Variants in COL21A1 observed in about 807,000 individuals in gnomAD.
COL21A1 encodes the protein collagen alpha-1(XXI) chain.
COL21A1 carries 149 observed loss-of-function variants against 137.9 expected under a neutral mutation model. The ratio of observed to expected loss-of-function variants is 1.08; its 90% confidence interval spans 0.95 to 1.24. The LOEUF is 1.24. COL21A1 is among the 50% of genes most tolerant of loss of function. The probability of loss-of-function intolerance (pLI) is 0.00; values close to 1 mark genes in which losing one functional copy is unlikely to be tolerated. For synonymous variants in COL21A1, 456 were observed against 391.5 expected (o/e 1.16, Z -1.95); for missense variants, 1,167 against 1,158.4 (o/e 1.01, Z -0.11).
intron 3 of COL21A1, among the ~76,000 whole-genome samples, chr6:56,178,002 C>G (rs1175349168): frequency 6.6e-6 from 1 of 152,048 alleles, no homozygotes; most frequent in African/African-American, 2.4e-5. Flanking sequence ...TACATTTTAA[C>G]TAAAAGAGTG....
intron 27 of COL21A1, 173 bp downstream of exon 27, chr6:56,060,568 A>T (rs1765702136): frequency 1.9e-6 from 1 of 513,904 alleles, no homozygotes; most frequent in East Asian, 3.4e-5. Flanking sequence ...ATTATAAAAG[A>T]GTATATATGA....
intron 1 of COL21A1, among the ~76,000 whole-genome samples, chr6:56,235,985 C>G (rs1390589650): frequency 1.3e-5 from 2 of 151,956 alleles, no homozygotes; most frequent in African/African-American, 4.8e-5. Context: ...ATGGTCTTAG[C>G]TGATACCAAA....
In COL21A1 at chr6:56,268,251, C is replaced by T. The variant is rs1297463248; in HGVS notation, c.-38-85595G>A. ...AGGTCCAGTCCAGAAAGAATGTAAG[C>T]TATCGCCCTGCCATGGCCTCTACCC... On this transcript the variant is annotated intron_variant, in intron 1 of 28. Transcript: ENST00000370819. Among the ~76,000 whole-genome samples the T allele has an allele frequency of 7.2e-5, 11 of 152,150 alleles. No individual in the cohort carries two copies. In the East Asian group the frequency reaches 2.1e-3, roughly 29 times the overall value.
At chr6:56,069,625 CACAT>C (rs969188808) in intron 21 of COL21A1, among the ~76,000 whole-genome samples, 1 of 150,224 alleles carries the variant, frequency 6.7e-6, no homozygotes, top group Non-Finnish European at 1.5e-5. Flanking sequence ...TTCATAAACA[CACAT>C]ATATAGTTAA....
At chr6:56,295,016 C>T (rs1025776718) in intron 1 of COL21A1, among the ~76,000 whole-genome samples, 3 of 151,946 alleles carry the variant, frequency 2.0e-5, no homozygotes, top group Admixed American at 1.3e-4. Context: ...GTCAAAGTCA[C>T]TTAAGAGTTT....
chr6:56,059,869 T>C (rs1765644599), intron 28 of COL21A1, 149 bp downstream of exon 28: 1 of 561,008 alleles, frequency 1.8e-6, no homozygotes, highest in South Asian at 2.8e-5. Context: ...AATTTCTCTT[T>C]AATTCAGTTG....
At position 56,313,446 on chromosome 6, in the gene COL21A1, G is replaced by T. The variant is rs935263983; in HGVS notation, c.-39+80525C>A. 3.3e-5 allele frequency among the ~76,000 whole-genome samples: 5 copies of T among 152,130 alleles called. No individual in the cohort carries two copies. The East Asian group carries it at 9.6e-4, about 29-fold the overall frequency. ...TCTCATGGTTCTGGAAGCTGTAAGT[G>T]CAAGATCAGGGTGCCAGCATGGTTG... is the stretch of plus-strand genomic sequence containing the variant. On this transcript the variant is annotated intron_variant, in intron 1 of 28. Transcript: ENST00000370819.
chr6:56,367,889 T>A (rs935299461), intron 1 of COL21A1, among the ~76,000 whole-genome samples: 4 of 152,186 alleles, frequency 2.6e-5, no homozygotes, highest in Non-Finnish European at 4.4e-5. Context: ...TATTTTTTAA[T>A]TTTTTGTAGA....
At chr6:56,211,496 C>T (rs1400939902) in intron 1 of COL21A1, among the ~76,000 whole-genome samples, 2 of 151,910 alleles carry the variant, frequency 1.3e-5, no homozygotes, top group Non-Finnish European at 2.9e-5. Flanking sequence ...ATTATTCTCA[C>T]AGAGCATGCA....
rs139107374 is a variant in COL21A1, at chr6:56,131,765, T to TAC, written c.1543-5618_1543-5617dup. Among the ~76,000 whole-genome samples the TAC allele has an allele frequency of 8.2e-3, 1,240 of 151,996 alleles. 19 individuals are homozygous for TAC. The highest frequency in any genetic ancestry group is 0.029 in the African/African-American group (1,195 of 41,472). On this transcript the variant is annotated intron_variant, in intron 12 of 29. Coordinates refer to ENST00000244728, the MANE Select transcript of COL21A1 (RefSeq NM_030820.4). ...AAAGTCAAAAACATAAAATTGCAAATACACACACACACGTATACATATACT... is the reference window on the plus strand; with the variant it reads ...AAAGTCAAAAACATAAAATTGCAAATACACACACACACACGTATACATATACT...
intron 1 of COL21A1, among the ~76,000 whole-genome samples, chr6:56,201,981 C>A (rs962203383): frequency 2.0e-5 from 3 of 151,954 alleles, no homozygotes; most frequent in African/African-American, 7.3e-5. Context: ...TATTTGAATA[C>A]CTGGCTTGAA....
At chr6:56,257,633 T>C (rs921846246) in intron 1 of COL21A1, among the ~76,000 whole-genome samples, 5 of 152,160 alleles carry the variant, frequency 3.3e-5, no homozygotes, top group Non-Finnish European at 7.4e-5. Flanking sequence ...TGCTGTCAAT[T>C]TTACAACTAC....
chr6:56,200,746 T>C (rs950048091), intron 1 of COL21A1, among the ~76,000 whole-genome samples: 3 of 152,106 alleles, frequency 2.0e-5, no homozygotes, highest in Non-Finnish European at 4.4e-5. Flanking sequence ...CTATTGTGAA[T>C]AGTGCTGCAA....
At chr6:56,323,039 C>T (rs991915854) in intron 1 of COL21A1, among the ~76,000 whole-genome samples, 21 of 151,858 alleles carry the variant, frequency 1.4e-4, no homozygotes, top group African/African-American at 3.6e-4. Context: ...TAGGAGGTGG[C>T]GGTGAAGGAT....
chr6:56,189,678 A>G (rs1251391298), intron 1 of COL21A1, among the ~76,000 whole-genome samples: 1 of 152,180 alleles, frequency 6.6e-6, no homozygotes, highest in African/African-American at 2.4e-5. Context: ...CAGATTCACC[A>G]AGGTTGAAAT....
At chr6:56,140,672 G>T (rs1774340266) in intron 12 of COL21A1, among the ~76,000 whole-genome samples, 1 of 152,080 alleles carries the variant, frequency 6.6e-6, no homozygotes, top group African/African-American at 2.4e-5. Context: ...AATTATTTTA[G>T]CTCTGGGCAA....
chr6:56,076,182 T>A (rs1451289129), intron 18 of COL21A1, among the ~76,000 whole-genome samples: 2 of 151,466 alleles, frequency 1.3e-5, no homozygotes, highest in East Asian at 3.9e-4. Context: ...GGAAACTGAA[T>A]GCTGGCCAGC....
At chr6:56,244,348 G>A (rs1239269579) in intron 1 of COL21A1, among the ~76,000 whole-genome samples, 2 of 152,142 alleles carry the variant, frequency 1.3e-5, no homozygotes, top group Non-Finnish European at 2.9e-5. Flanking sequence ...TAGCTTTTCA[G>A]TTAAGTTATC....
chr6:56,215,485 T>G (rs1780425537), intron 1 of COL21A1, among the ~76,000 whole-genome samples: 1 of 152,076 alleles, frequency 6.6e-6, no homozygotes, highest in Non-Finnish European at 1.5e-5. Context: ...CACTTTTGCA[T>G]TTCCCTGAAC....
Sources: allele counts gnomAD v4.1 joint callset (sites outside exome capture counted in the v4.1 genomes callset), GRCh38; gene constraint gnomAD v4.1.1; transcripts MANE v1.5; gene names NCBI Gene and HGNC (gene_info 2026-07-23, HGNC 2026-07-21).